DNAJC18: variants seen among roughly 807,000 people sequenced by gnomAD.
DNAJC18 encodes the protein dnaJ homolog subfamily C member 18.
In DNAJC18, 40 loss-of-function variants were observed where a neutral mutation model predicts 48.6. The observed-to-expected ratio is 0.82, with a 90% CI of 0.64 to 1.07. The LOEUF (loss-of-function observed/expected upper bound fraction) is 1.07. Ranked by LOEUF, DNAJC18 falls within the 50% of genes least tolerant of loss-of-function variation. The pLI, the probability that DNAJC18 is intolerant of heterozygous loss-of-function variation, is 0.00. For missense variants in DNAJC18, 340 were observed against 427.7 expected (o/e 0.79, Z 1.81); for synonymous variants, 135 against 152.2 (o/e 0.89, Z 0.83).
At chr5:139,418,271 A>G (rs900482259) in intron 7 of DNAJC18, among the ~76,000 whole-genome samples, 2 of 151,492 alleles carry the variant, frequency 1.3e-5, no homozygotes, top group Admixed American at 1.3e-4. Flanking sequence ...CCCAGGCTCG[A>G]CCTCCTGAGT....
intron 7 of DNAJC18, among the ~76,000 whole-genome samples, chr5:139,417,890 T>C (rs1013218912): frequency 3.3e-5 from 5 of 151,814 alleles, no homozygotes; most frequent in African/African-American, 1.2e-4. Context: ...TGGATTTTTA[T>C]TTATACCTGG....
chr5:139,430,820 C>T (rs757914840), intron 2 of DNAJC18, among the ~76,000 whole-genome samples: 2 of 152,150 alleles, frequency 1.3e-5, no homozygotes, highest in Non-Finnish European at 1.5e-5. Context: ...ATCCACCTGC[C>T]TTGGCCTCCT....
chr5:139,432,455 G>A lies in DNAJC18; in HGVS notation c.228-3772C>T, dbSNP rs536786855. 2.1e-3 allele frequency among the ~76,000 whole-genome samples: 312 copies of A among 151,928 alleles called. 1 individual carries two copies. The highest frequency in any genetic ancestry group is 7.2e-3 in the African/African-American group (299 of 41,448). On this transcript the variant is annotated intron_variant, in intron 2 of 7. Transcript: ENST00000302060. ...TGGGATTACAGGCGTGAGCCACCGC[G>A]CCTGGCCACAGAACTTTATTTTTTT...
intron 7 of DNAJC18, among the ~76,000 whole-genome samples, chr5:139,418,297 C>T (rs1288434657): frequency 6.6e-6 from 1 of 152,108 alleles, no homozygotes; most frequent in Non-Finnish European, 1.5e-5. Flanking sequence ...AAACCACAGG[C>T]ATGTGCTGCC....
Position 139,414,015 on chromosome 5 carries a change from A to T in DNAJC18, c.*133T>A, listed in dbSNP as rs1759033719. The stretch of plus-strand genomic sequence containing the variant: ...TGGCTCTCGTGCCCATGCTCCTGCC[A>T]CTCTGCCCAACCAACGAAGTTAGCA... On this transcript the variant is annotated 3_prime_UTR_variant, in exon 8 of 8. Transcript: ENST00000302060. The T allele has an allele frequency of 2.2e-6, 3 of 1,361,020 alleles. No homozygotes were observed. Among genetic ancestry groups the T allele is most frequent in the Non-Finnish European group, 2.9e-6 (3 of 1,022,532 alleles). The allele number at this position is 1,361,020 out of a possible 1,614,324, so 84.3% of individuals were successfully genotyped here.
chr5:139,412,271 C>G lies in DNAJC18; in HGVS notation c.*1877G>C, dbSNP rs1250351271. The G allele has an allele frequency of 6.5e-6, 1 of 153,674 alleles. No individual in the cohort carries two copies. Among genetic ancestry groups the G allele is most frequent in the Non-Finnish European group, 1.4e-5 (1 of 69,146 alleles). 9.5% of individuals were successfully genotyped at this position (153,674 alleles called of 1,614,324 possible). ...GGATGAAGAAACTTTACTTTGGAATCTGTTTAATGTAGACTCTTTTTTTTT... is the reference window on the plus strand; with the variant it reads ...GGATGAAGAAACTTTACTTTGGAATGTGTTTAATGTAGACTCTTTTTTTTT... On this transcript the variant is annotated 3_prime_UTR_variant, in exon 8 of 8. Transcript: ENST00000302060.
chr5:139,414,686 C>T (rs1759046173), intron 7 of DNAJC18, among the ~76,000 whole-genome samples: 3 of 152,258 alleles, frequency 2.0e-5, no homozygotes, highest in Admixed American at 6.5e-5. Flanking sequence ...TCTTCTCCTG[C>T]ATTGCTGCAT....
At chr5:139,430,485 A>G (rs535438907) in intron 2 of DNAJC18, among the ~76,000 whole-genome samples, 1 of 152,226 alleles carries the variant, frequency 6.6e-6, no homozygotes, top group African/African-American at 2.4e-5. Flanking sequence ...GCTAATAATT[A>G]TATTTCACAG....
chr5:139,425,263 A>G (rs576138164), intron 4 of DNAJC18, 149 bp from the exon 5 acceptor site: 11 of 516,236 alleles, frequency 2.1e-5, no homozygotes, highest in Non-Finnish European at 3.4e-5. Flanking sequence ...TCCTGGGTTC[A>G]AGCGATTCTC....
intron 3 of DNAJC18, among the ~76,000 whole-genome samples, chr5:139,428,328 T>G (rs1759274826): frequency 2.0e-5 from 3 of 151,692 alleles, no homozygotes; most frequent in Admixed American, 2.0e-4. Flanking sequence ...GCCCGGGAGG[T>G]GGAGGTTGCA....
Position 139,425,646 on chromosome 5 carries a change from C to T in DNAJC18, c.559+526G>A, listed in dbSNP as rs1030585376. The stretch of plus-strand genomic sequence containing the variant: ...CTTTGCAACTAGTGAGAGAGAACCC[C>T]GAAAGGCTAGAAGAGAGAGAGCATT... On this transcript the variant is annotated intron_variant, in intron 4 of 7. Transcript: ENST00000302060. 3.9e-5 allele frequency among the ~76,000 whole-genome samples: 6 copies of T among 152,122 alleles called. No individual in the cohort carries two copies. In the East Asian group the frequency reaches 5.8e-4, roughly 15 times the overall value.
intron 2 of DNAJC18, among the ~76,000 whole-genome samples, chr5:139,435,730 T>TTTTTTTTTTTTTG (rs1438818286): frequency 7.6e-6 from 1 of 131,852 alleles, no homozygotes; most frequent in Non-Finnish European, 1.5e-5. Flanking sequence ...TTTTTTTTTT[T>TTTTTTTTTTTTTG]TTCAGACAAG....
At chr5:139,437,265 T>TATCATC (rs1171225667) in intron 2 of DNAJC18, 107 bp downstream of exon 2, 4 of 1,360,518 alleles carry the variant, frequency 2.9e-6, no homozygotes, top group Admixed American at 2.9e-5. Context: ...ATGCCTCAAT[T>TATCATC]ATCATCATCA....
chr5:139,420,840 A>G (rs1420124161), intron 6 of DNAJC18, among the ~76,000 whole-genome samples: 1 of 152,108 alleles, frequency 6.6e-6, no homozygotes, highest in Non-Finnish European at 1.5e-5. Context: ...AATTCTAACC[A>G]TAAGGAAACA....
intron 5 of DNAJC18, among the ~76,000 whole-genome samples, chr5:139,423,390 CTTT>C (rs34518006): frequency 7.1e-6 from 1 of 139,884 alleles, no homozygotes; most frequent in African/African-American, 2.6e-5. Flanking sequence ...TTTGGATTTC[CTTT>C]TTTTTTTTTT....
chr5:139,413,937 C>A lies in DNAJC18; in HGVS notation c.*211G>T. On this transcript the variant is annotated 3_prime_UTR_variant, in exon 8 of 8. Transcript: ENST00000302060. The stretch of plus-strand genomic sequence containing the variant: ...TTGCCATTAATTTAACTTAGATGAA[C>A]TACTCCTGGTCCCTGGAGCCACTCC... 1 of 588,204 alleles carries A rather than the reference C, an allele frequency of 1.7e-6. No homozygotes were observed. Among genetic ancestry groups the A allele is most frequent in the Non-Finnish European group, 2.8e-6 (1 of 354,620 alleles). The allele number at this position is 588,204 out of a possible 1,614,324, so 36.4% of individuals were successfully genotyped here.
intron 1 of DNAJC18, 54 bp from the exon 2 acceptor site, chr5:139,437,612 T>C: frequency 6.4e-7 from 1 of 1,556,160 alleles, no homozygotes; most frequent in South Asian, 1.2e-5. Flanking sequence ...AAATCAACTT[T>C]GCAACCTGCC....
chr5:139,433,983 C>G (rs1022074007), intron 2 of DNAJC18, among the ~76,000 whole-genome samples: 2 of 152,292 alleles, frequency 1.3e-5, no homozygotes, highest in Admixed American at 6.5e-5. Flanking sequence ...CCTCTGCCTT[C>G]TGGGTTCAAA....
chr5:139,422,733 G>T lies in DNAJC18; in HGVS notation c.754C>A (p.Pro252Thr), dbSNP rs746586952. The T allele has an allele frequency of 1.2e-6, 2 of 1,608,532 alleles. No individual in the cohort carries two copies. Among genetic ancestry groups the T allele is most frequent in the Non-Finnish European group, 8.5e-7 (1 of 1,177,768 alleles). Residue 252 changes from proline to threonine, a missense_variant, in exon 6 of 8, where the codon CCC (proline) becomes ACC (threonine). Coordinates refer to ENST00000302060, the MANE Select transcript of DNAJC18 (RefSeq NM_152686.4). ...GATTTATAGAACAGACTATATGGGG[G>T]ATTAGTAGCCAGCAGCTGAGTAATG... ...SVITQLLATN[P>T]PYSLFYKSTL... is the part of the protein sequence containing the mutation.
Sources: allele counts gnomAD v4.1 joint callset (sites outside exome capture counted in the v4.1 genomes callset), GRCh38; gene constraint gnomAD v4.1.1; transcripts MANE v1.5; gene names NCBI Gene and HGNC (gene_info 2026-07-23, HGNC 2026-07-21).